The following PML variants were observed in gnomAD, a reference collection of about 807,000 sequenced individuals.
The protein encoded by PML is PML nuclear body scaffold.
Under a neutral mutation model 65.2 loss-of-function variants are expected in PML, and 28 were observed. That is an observed-to-expected ratio of 0.43 (90% CI 0.32 to 0.59). The LOEUF is 0.59. Ranked by LOEUF, PML falls within the 20% of genes least tolerant of loss-of-function variation. The pLI is 0.08. For missense variants in PML, 1,021 were observed against 1,203.4 expected, an observed-to-expected ratio of 0.85 and a Z score of 2.24; for synonymous variants, 500 against 508.8, an observed-to-expected ratio of 0.98 and a Z score of 0.23.
At position 74,035,615 on chromosome 15, in the gene PML, C is replaced by T; in HGVS notation, c.1710+1085C>T. On this transcript the variant is annotated intron_variant, in intron 7 of 8. Transcript: ENST00000268058. The surrounding 1 kb of genome is among the most constrained non-coding windows in gnomAD (Gnocchi z 4.1). ...AACATCCTGCCCAGCTGCAAAGGGG[C>T]ATCAGCCCACCCCACCGGATACGAG... The T allele has an allele frequency of 3.1e-6, 5 of 1,613,438 alleles. No individual in the cohort carries two copies. Among genetic ancestry groups the T allele is most frequent in the Non-Finnish European group, 4.2e-6 (5 of 1,180,018 alleles).
At chr15:74,012,161 A>C (rs971639610) in intron 2 of PML, among the ~76,000 whole-genome samples, 1 of 152,162 alleles carries the variant, frequency 6.6e-6, no homozygotes, top group Non-Finnish European at 1.5e-5. Flanking sequence ...AAAAACCCCA[A>C]GACATTAAGA....
chr15:74,022,943 C>T lies in PML; in HGVS notation c.718C>T (p.Leu240=). Residue 240 remains leucine, a synonymous_variant, in exon 3 of 9, where the codon CTG becomes TTG. Coordinates refer to ENST00000268058, the MANE Select transcript of PML (RefSeq NM_033238.3). ...AGAGATCCAGCAGCGACAGGAGGAG[C>T]TGGACGCCATGACGCAGGCGCTGCA... The part of the protein sequence containing the change: ...SAEIQQRQEE[L]DAMTQALQEQ... 1 of 1,611,756 alleles carries T rather than the reference C, an allele frequency of 6.2e-7. No individual in the cohort carries two copies. The highest frequency in any genetic ancestry group is 1.3e-5 in the African/African-American group (1 of 75,024).
intron 4 of PML, 45 bp from the exon 5 acceptor site, chr15:74,032,527 G>A: frequency 6.2e-7 from 1 of 1,613,058 alleles, no homozygotes; most frequent in Non-Finnish European, 8.5e-7. Context: ...CTGGCCCTGG[G>A]GCTGCTGCCT....
At chr15:73,996,050 C>G (rs1429382003) in intron 1 of PML, among the ~76,000 whole-genome samples, 3 of 152,180 alleles carry the variant, frequency 2.0e-5, no homozygotes, top group East Asian at 3.9e-4. Flanking sequence ...CCATGCCCGG[C>G]CTGTTTTTGT....
chr15:74,036,149 A>C, intron 7 of PML: 1 of 1,607,738 alleles, frequency 6.2e-7, no homozygotes. Flanking sequence ...TGAGAGGGGA[A>C]GGCTAAGGCA....
At chr15:74,003,208 C>A (rs563977062) in intron 2 of PML, among the ~76,000 whole-genome samples, 1 of 151,904 alleles carries the variant, frequency 6.6e-6, no homozygotes, top group Non-Finnish European at 1.5e-5. Context: ...CTGAGGCAGG[C>A]GGATCATGAG....
In PML at chr15:73,996,434, G is replaced by A. The variant is rs753328781; in HGVS notation, c.129+1493G>A. On this transcript the variant is annotated intron_variant, in intron 1 of 8. Coordinates refer to ENST00000268058, the MANE Select transcript of PML (RefSeq NM_033238.3). ...AAGCCTGTATAACATCCTGAGCTAC[G>A]GAAAAGAGCTTGGAGCTTCTGGGTG... is the stretch of plus-strand genomic sequence containing the variant. 2.6e-4 allele frequency among the ~76,000 whole-genome samples: 40 copies of A among 152,184 alleles called. 2 individuals carry two copies. The highest frequency in any genetic ancestry group is 9.2e-4 in the Admixed American group (14 of 15,278).
intron 7 of PML, among the ~76,000 whole-genome samples, chr15:74,040,610 G>C (rs1285492253): frequency 6.6e-6 from 1 of 152,198 alleles, no homozygotes; most frequent in African/African-American, 2.4e-5. Context: ...AAATGCGTCA[G>C]CACTCCCCAG....
Position 74,032,615 on chromosome 15 carries a change from G to A in PML, c.1298G>A (p.Gly433Glu), listed in dbSNP as rs778426636. 1.2e-6 allele frequency: 2 copies of A among 1,614,058 alleles called. No individual in the cohort carries two copies. The highest frequency in any genetic ancestry group is 1.7e-6 in the Non-Finnish European group (2 of 1,180,018). ...GTGAAGGCCCAGGTTCAGGCCCTGG[G>A]GCTGGCTGAAGCCCAGCCTATGGCT... is the stretch of plus-strand genomic sequence containing the variant. ...ERVKAQVQALGLAEAQPMAVV... is the reference protein window; with the variant it reads ...ERVKAQVQALELAEAQPMAVV... Residue 433 changes from glycine (G) to glutamate (E), a missense_variant, in exon 5 of 9, where the codon GGG (glycine) becomes GAG (glutamate). Physicochemically the swap from Gly to Glu is moderately conservative, Grantham distance 98. Transcript: ENST00000268058.
intron 2 of PML, among the ~76,000 whole-genome samples, chr15:74,010,272 A>G (rs1481415835): frequency 4.1e-5 from 6 of 144,872 alleles, no homozygotes; most frequent in African/African-American, 7.7e-5. Context: ...AGCTCAGGCA[A>G]TCCACCTGCC....
chr15:73,995,794 G>A (rs1423840571), intron 1 of PML, among the ~76,000 whole-genome samples: 3 of 152,000 alleles, frequency 2.0e-5, no homozygotes, highest in Admixed American at 6.6e-5. Flanking sequence ...TCACACTGTC[G>A]CCCAGGCTGG....
chr15:74,015,643 A>C (rs1353094143), intron 2 of PML, among the ~76,000 whole-genome samples: 1 of 152,202 alleles, frequency 6.6e-6, no homozygotes, highest in African/African-American at 2.4e-5. Context: ...CAAATCTGAC[A>C]TTGACAGGTT....
intron 2 of PML, among the ~76,000 whole-genome samples, chr15:74,004,159 G>T (rs2069916145): frequency 6.6e-6 from 1 of 151,922 alleles, no homozygotes; most frequent in Non-Finnish European, 1.5e-5. Context: ...ACCCAGGTTG[G>T]AATGCAGTGG....
intron 2 of PML, among the ~76,000 whole-genome samples, chr15:74,002,022 A>T (rs1021107605): frequency 5.3e-5 from 8 of 151,704 alleles, no homozygotes; most frequent in Non-Finnish European, 1.0e-4. Flanking sequence ...AAAAAAAGAA[A>T]TTTTTTTCTC....
At chr15:73,998,932 T>C (rs1046550048) in intron 2 of PML, among the ~76,000 whole-genome samples, 15 of 152,116 alleles carry the variant, frequency 9.9e-5, no homozygotes, top group Admixed American at 2.0e-4. Context: ...TTGAAACCAT[T>C]AACACCAGGC....
At position 74,003,721 on chromosome 15, in the gene PML, G is replaced by T. The variant is rs373173948; in HGVS notation, c.602+5245G>T. On this transcript the variant is annotated intron_variant, in intron 2 of 8. Transcript: ENST00000268058. ...TTCATGGTCATATTACAACGCACTTGTTAGCCATACCTTATACTTTAATTG... is the reference window on the plus strand; with the variant it reads ...TTCATGGTCATATTACAACGCACTTTTTAGCCATACCTTATACTTTAATTG... Among the ~76,000 whole-genome samples the T allele has an allele frequency of 4.3e-4, 66 of 151,924 alleles. 1 individual carries two copies. The highest frequency in any genetic ancestry group is 1.5e-3 in the African/African-American group (63 of 41,352).
At position 74,023,076 on chromosome 15, in the gene PML, G is replaced by T. The variant is rs771145349; in HGVS notation, c.851G>T (p.Arg284Leu). Reference protein sequence around the residue: ...ETEELIRERVRQVVAHVRAQE... With the variant: ...ETEELIRERVLQVVAHVRAQE... Reference sequence around the variant, plus strand: ...GAGGAGCTGATCCGCGAGCGCGTGCGCCAGGTGGTAGCTCACGTGCGGGCT... The same window carrying T: ...GAGGAGCTGATCCGCGAGCGCGTGCTCCAGGTGGTAGCTCACGTGCGGGCT... The change falls in exon 3 of 9, where the codon CGC becomes CTC. Residue 284 changes from arginine to leucine, a missense_variant. Coordinates refer to ENST00000268058, the MANE Select transcript of PML (RefSeq NM_033238.3). The T allele has an allele frequency of 3.1e-6, 5 of 1,602,720 alleles. No homozygotes were observed. The highest frequency in any genetic ancestry group is 4.2e-6 in the Non-Finnish European group (5 of 1,178,674).
chr15:74,036,113 G>C, intron 7 of PML: 1 of 1,612,744 alleles, frequency 6.2e-7, no homozygotes, highest in East Asian at 2.2e-5. Context: ...GGACCTCTGG[G>C]CAGGGAGACC....
At chr15:74,008,600 G>A (rs960845621) in intron 2 of PML, among the ~76,000 whole-genome samples, 2 of 152,134 alleles carry the variant, frequency 1.3e-5, no homozygotes, top group African/African-American at 4.8e-5. Flanking sequence ...TTAGCCGGGC[G>A]TGGTGGCGGG....
Sources: allele counts gnomAD v4.1 joint callset (sites outside exome capture counted in the v4.1 genomes callset), GRCh38; gene constraint gnomAD v4.1.1; non-coding constraint Gnocchi (gnomAD v3.1); transcripts MANE v1.5; gene names NCBI Gene and HGNC (gene_info 2026-07-23, HGNC 2026-07-21).